The following ZNF841 variants were observed in gnomAD, a reference collection of about 807,000 sequenced individuals.
ZNF841 encodes the protein zinc finger protein 841.
In ZNF841, 11 loss-of-function variants were observed where a neutral mutation model predicts 13.0. The ratio of observed to expected loss-of-function variants is 0.85; its 90% CI spans 0.53 to 1.40. The LOEUF is 1.40. ZNF841 is among the 40% of genes most tolerant of loss of function. The probability of loss-of-function intolerance (pLI) is 0.00; values close to 1 mark genes in which losing one functional copy is unlikely to be tolerated. For missense variants in ZNF841, 1,068 were observed against 1,139.5 expected (o/e 0.94, Z 0.90); for synonymous variants, 369 against 381.6 (o/e 0.97, Z 0.38).
intron 6 of ZNF841, among the ~76,000 whole-genome samples, chr19:52,068,185 T>C (rs1427997930): frequency 1.3e-5 from 2 of 152,158 alleles, no homozygotes; most frequent in Non-Finnish European, 2.9e-5. Context: ...CAAGAATTTA[T>C]ATTCTAGAGG....
At position 52,084,816 on chromosome 19, in the gene ZNF841, C is replaced by T. The variant is rs756390873; in HGVS notation, c.-15G>A. The T allele has an allele frequency of 6.4e-5, 103 of 1,612,508 alleles. 1 individual carries two copies. In the South Asian group the frequency reaches 1.1e-3, roughly 17 times the overall value. On this transcript the variant is annotated 5_prime_UTR_variant, in exon 4 of 7. Coordinates refer to ENST00000594440, the MANE Select transcript of ZNF841 (RefSeq NM_001136499.2). ...GGAAGAGCCATCCCTGGCTCCTTTT[C>T]TTTCTTCTTTCTCTCCTGGGCCTCT...
At chr19:52,076,572 G>A (rs1447572456) in intron 5 of ZNF841, among the ~76,000 whole-genome samples, 1 of 149,220 alleles carries the variant, frequency 6.7e-6, no homozygotes, top group Non-Finnish European at 1.5e-5. Flanking sequence ...TTTATCCCAA[G>A]AAGCTAAGGT....
intron 2 of ZNF841, among the ~76,000 whole-genome samples, chr19:52,089,578 C>T (rs1420784274): frequency 1.3e-5 from 2 of 152,048 alleles, no homozygotes; most frequent in African/African-American, 4.8e-5. Context: ...GCCCGGGAGG[C>T]GGACATTACA....
chr19:52,064,382 A>ACC (rs1182354769), downstream of ZNF841: 1 of 141,276 alleles, frequency 7.1e-6, no homozygotes, highest in African/African-American at 2.9e-5. Context: ...AAAAAAAAAA[A>ACC]AAAAAAACTT....
chr19:52,062,906 T>C (rs902138947), downstream of ZNF841, among the ~76,000 whole-genome samples: 7 of 148,936 alleles, frequency 4.7e-5, no homozygotes, highest in African/African-American at 1.7e-4. Context: ...GACGGAGTCT[T>C]GCTCTGTCGC....
chr19:52,066,596 T>C lies in ZNF841; in HGVS notation c.1286A>G (p.Tyr429Cys), dbSNP rs760535914. ...HHIIHAGKKP[Y>C]TCDVCGKVFY... is the part of the protein sequence containing the mutation. ...GACCTTGCCACATACATCACATGTA[T>C]ATGGTTTCTTTCCTGCATGGATTAT... The change falls in exon 7 of 7, where the codon TAT (tyrosine) becomes TGT (cysteine). Residue 429 changes from tyrosine to cysteine, a missense_variant. Physicochemically the swap from Tyr to Cys is radical, Grantham distance 194. Coordinates refer to ENST00000594440, the MANE Select transcript of ZNF841 (RefSeq NM_001136499.2). The C allele has an allele frequency of 3.7e-6, 6 of 1,613,786 alleles. No individual in the cohort carries two copies. Among genetic ancestry groups the C allele is most frequent in the Non-Finnish European group, 1.7e-6 (2 of 1,179,826 alleles).
chr19:52,080,196 T>C (rs1391760175), intron 4 of ZNF841, among the ~76,000 whole-genome samples: 1 of 152,168 alleles, frequency 6.6e-6, no homozygotes, highest in African/African-American at 2.4e-5. Context: ...CAGAATTATG[T>C]GAACAAATTA....
At chr19:52,082,613 G>C (rs2088136412) in intron 4 of ZNF841, among the ~76,000 whole-genome samples, 1 of 152,116 alleles carries the variant, frequency 6.6e-6, no homozygotes, top group Non-Finnish European at 1.5e-5. Context: ...ATCATTCTTT[G>C]AACTGCCATT....
intron 2 of ZNF841, among the ~76,000 whole-genome samples, chr19:52,090,654 G>GGAAGGAAGGAAAGAAAGAAAGAAA (rs1183196348): frequency 1.3e-3 from 107 of 84,594 alleles, no homozygotes; most frequent in African/African-American, 5.7e-3. Flanking sequence ...AAGGAAGGAA[G>GGAAGGAAGGAAAGAAAGAAAGAAA]GAAAGAAAGA....
At chr19:52,083,728 G>A (rs1171996410) in intron 4 of ZNF841, among the ~76,000 whole-genome samples, 4 of 150,128 alleles carry the variant, frequency 2.7e-5, no homozygotes, top group Non-Finnish European at 5.9e-5. Context: ...ATTTTATTGT[G>A]TATATTTAAG....
At chr19:52,094,911 C>T (rs1030653869) in intron 1 of ZNF841, among the ~76,000 whole-genome samples, 4 of 152,104 alleles carry the variant, frequency 2.6e-5, no homozygotes, top group African/African-American at 9.7e-5. Flanking sequence ...TCCATCCGTT[C>T]TCTTTCACTC....
In ZNF841 at chr19:52,065,501, T is replaced by C. The variant is rs896694518; in HGVS notation, c.2381A>G (p.Lys794Arg). 8.7e-6 allele frequency: 14 copies of C among 1,613,748 alleles called. No individual in the cohort carries two copies. The highest frequency in any genetic ancestry group is 2.7e-5 in the African/African-American group (2 of 74,796). Residue 794 changes from lysine (K) to arginine (R), a missense_variant, in exon 7 of 7, where the codon AAA becomes AGA. By Grantham distance (26) the Lys-to-Arg change is conservative. Transcript: ENST00000594440. ...AAAGGCTTTGCCACACTCATTACAT[T>C]TGTAAGGTTTCTCTCCAGTATGAAT... is the stretch of plus-strand genomic sequence containing the variant. ...WSIHTGEKPY[K>R]CNECGKAFRV...
intron 6 of ZNF841, among the ~76,000 whole-genome samples, chr19:52,070,401 C>T (rs780998609): frequency 6.6e-6 from 1 of 152,120 alleles, no homozygotes; most frequent in African/African-American, 2.4e-5. Flanking sequence ...TTTACACAGC[C>T]GTCCGTATTT....
chr19:52,066,671 T>C lies in ZNF841; in HGVS notation c.1211A>G (p.Asn404Ser). The C allele has an allele frequency of 1.2e-6, 2 of 1,612,570 alleles. No individual in the cohort carries two copies. Among genetic ancestry groups the C allele is most frequent in the Non-Finnish European group, 1.7e-6 (2 of 1,179,166 alleles). Reference sequence around the variant, plus strand: ...CCGTTTAAAGGTTTTGCCACATTCATTACATTTGTAGGGTTTGTCTCCAGT... The same window carrying C: ...CCGTTTAAAGGTTTTGCCACATTCACTACATTTGTAGGGTTTGTCTCCAGT... The part of the protein sequence containing the change: ...VHTGDKPYKC[N>S]ECGKTFKRNS... Residue 404 changes from asparagine to serine, a missense_variant, in exon 7 of 7, where the codon AAT becomes AGT. Physicochemically the swap from Asn to Ser is conservative, Grantham distance 46 (BLOSUM62 1). Transcript: ENST00000594440.
rs1378665665 is a variant in ZNF841, at chr19:52,067,270, A to C, written c.612T>G (p.Ile204Met). ...TCCTCTCAATTTGATTACATCCATAAATTTTCTCTGCAGTTTGAAATTTCT... is the reference window on the plus strand; with the variant it reads ...TCCTCTCAATTTGATTACATCCATACATTTTCTCTGCAGTTTGAAATTTCT... The part of the protein sequence containing the change: ...ELQKFQTAEK[I>M]YGCNQIERTV... Residue 204 changes from isoleucine to methionine, a missense_variant, in exon 7 of 7, where the codon ATT (isoleucine) becomes ATG (methionine). Transcript: ENST00000594440. 8.4e-6 allele frequency: 13 copies of C among 1,551,484 alleles called. No individual in the cohort carries two copies. Among genetic ancestry groups the C allele is most frequent in the Middle Eastern group, 1.7e-4 (1 of 6,014 alleles).
In ZNF841 at chr19:52,084,846, C is replaced by G. The variant is rs778935884; in HGVS notation, c.-45G>C. The G allele has an allele frequency of 2.5e-5, 39 of 1,587,620 alleles. 1 individual carries two copies. Among genetic ancestry groups the G allele is most frequent in the Non-Finnish European group, 3.3e-5 (38 of 1,168,328 alleles). On this transcript the variant is annotated 5_prime_UTR_variant, in exon 4 of 7. Coordinates refer to ENST00000594440, the MANE Select transcript of ZNF841 (RefSeq NM_001136499.2). The stretch of plus-strand genomic sequence containing the variant: ...TTCTTTCTCTCCTGGGCCTCTCTCT[C>G]AGTCAATATAATTAATTCTTTAAAA...
chr19:52,078,236 G>A (rs1600092634), intron 4 of ZNF841, among the ~76,000 whole-genome samples: 1 of 152,004 alleles, frequency 6.6e-6, no homozygotes, highest in Non-Finnish European at 1.5e-5. Flanking sequence ...GCAGTGGGCC[G>A]AGATCATGCC....
intron 2 of ZNF841, among the ~76,000 whole-genome samples, chr19:52,090,311 A>C (rs143124144): frequency 0.021 from 3,271 of 152,192 alleles, 63 homozygotes; most frequent in South Asian, 0.062. Context: ...CTGTAATCCC[A>C]GTGCTTTGGG....
chr19:52,076,089 C>G lies in ZNF841; in HGVS notation c.226G>C (p.Ala76Pro). Residue 76 changes from alanine to proline, a missense_variant, in exon 6 of 7, where the codon GCG becomes CCG. Physicochemically the swap from Ala to Pro is conservative, Grantham distance 27 (BLOSUM62 -1). Transcript: ENST00000594440. ...CATTCCCCACAGTTTGGGTTCCTCG[C>G]TATTTTCACTTGGCTCACCACAGTC... ...PWTVVSQVKI[A>P]RNPNCGECMK... 6.4e-7 allele frequency: 1 copy of G among 1,554,090 alleles called. No individual in the cohort carries two copies. The highest frequency in any genetic ancestry group is 1.4e-5 in the African/African-American group (1 of 73,240).
Sources: allele counts gnomAD v4.1 joint callset (sites outside exome capture counted in the v4.1 genomes callset), GRCh38; gene constraint gnomAD v4.1.1; transcripts MANE v1.5; gene names NCBI Gene and HGNC (gene_info 2026-07-23, HGNC 2026-07-21).